Variants in SMURF2 observed in about 807,000 individuals in gnomAD.
SMURF2 encodes the protein SMAD specific E3 ubiquitin protein ligase 2, also known as E3 ubiquitin-protein ligase SMURF2.
Under a neutral mutation model 109.6 loss-of-function variants are expected in SMURF2, and 48 were observed. That is an observed-to-expected ratio of 0.44 (90% CI 0.35 to 0.56). The LOEUF is 0.56. Among genes scored for constraint, SMURF2 ranks in the 20% least tolerant of loss-of-function variants. The probability of loss-of-function intolerance (pLI) is 0.01; values close to 1 mark genes in which losing one functional copy is unlikely to be tolerated. For missense variants in SMURF2, 575 were observed against 909.0 expected, an observed-to-expected ratio of 0.63 and a Z score of 4.72; for synonymous variants, 288 against 317.1, an observed-to-expected ratio of 0.91 and a Z score of 0.97.
chr17:64,639,120 T>C (rs537564694), intron 1 of SMURF2, among the ~76,000 whole-genome samples: 52 of 152,372 alleles, frequency 3.4e-4, no homozygotes, highest in Non-Finnish European at 5.9e-4. Context: ...ATCTGGATGC[T>C]AGTTATATAT....
intron 1 of SMURF2, among the ~76,000 whole-genome samples, chr17:64,606,980 T>C (rs1969979161): frequency 6.6e-6 from 1 of 152,010 alleles, no homozygotes. Flanking sequence ...TAAAGTCAGG[T>C]TGTTATATCT....
chr17:64,571,989 C>A, intron 9 of SMURF2, 33 bp from the exon 10 acceptor site: 1 of 1,580,472 alleles, frequency 6.3e-7, no homozygotes, highest in South Asian at 1.2e-5. Context: ...AAAAATACCT[C>A]ATTGCTCGCC....
intron 1 of SMURF2, among the ~76,000 whole-genome samples, chr17:64,617,639 CCAT>C (rs1303147913): frequency 6.6e-6 from 1 of 152,062 alleles, no homozygotes; most frequent in African/African-American, 2.4e-5. Flanking sequence ...GCGCACACCA[CCAT>C]GCCTTGCTAA....
At chr17:64,658,229 C>A (rs1218814717) in intron 1 of SMURF2, among the ~76,000 whole-genome samples, 1 of 152,002 alleles carries the variant, frequency 6.6e-6, no homozygotes, top group Non-Finnish European at 1.5e-5. Flanking sequence ...TGGTGGTGGG[C>A]GCCTGTAATC....
chr17:64,573,187 A>G (rs1352782973), intron 9 of SMURF2: 1 of 11,708 alleles, frequency 8.5e-5, no homozygotes, highest in Non-Finnish European at 1.3e-4. Flanking sequence ...GGGGAGGAGG[A>G]GGAGGAGGAG....
At chr17:64,546,956 C>A (rs1191651628) in intron 17 of SMURF2, among the ~76,000 whole-genome samples, 1 of 152,240 alleles carries the variant, frequency 6.6e-6, no homozygotes, top group Non-Finnish European at 1.5e-5. Flanking sequence ...ACCAGTGTCG[C>A]TTTGTGTGTC....
rs111974438 is a variant in SMURF2 at position 64,587,429 on chromosome 17, C to T, written c.401-1259G>A. Among the ~76,000 whole-genome samples the T allele has an allele frequency of 3.4e-3, 524 of 152,284 alleles. 1 individual carries two copies. Among genetic ancestry groups the T allele is most frequent in the African/African-American group, 0.012 (503 of 41,554 alleles). ...TACTTAAGGTGTAGATAATCCCTGT[C>T]TGAATAATGAAAAAGTTACGTTAAA... On this transcript the variant is annotated intron_variant, in intron 5 of 18. Coordinates refer to ENST00000262435, the MANE Select transcript of SMURF2 (RefSeq NM_022739.4).
intron 1 of SMURF2, among the ~76,000 whole-genome samples, chr17:64,637,530 T>G (rs985427185): frequency 6.6e-6 from 1 of 152,106 alleles, no homozygotes; most frequent in Non-Finnish European, 1.5e-5. Context: ...TTCATTCTTT[T>G]GCATGTGGAA....
In SMURF2 at chr17:64,618,615, C is replaced by T. The variant is rs1555690312; in HGVS notation, c.53-11975G>A. Among the ~76,000 whole-genome samples, 9 of 152,310 alleles carry T rather than the reference C, an allele frequency of 5.9e-5. No homozygotes were observed. In the South Asian group the frequency reaches 1.9e-3, roughly 32 times the overall value. ...TACTGGACTCCTTCATTCAAACAGACCCACTCATAACTGATGGCTGTTCAA... is the reference window on the plus strand; with the variant it reads ...TACTGGACTCCTTCATTCAAACAGATCCACTCATAACTGATGGCTGTTCAA... On this transcript the variant is annotated intron_variant, in intron 1 of 18. Transcript: ENST00000262435.
intron 9 of SMURF2, among the ~76,000 whole-genome samples, chr17:64,576,987 G>C (rs1005260460): frequency 6.8e-6 from 1 of 147,546 alleles, no homozygotes; most frequent in Non-Finnish European, 1.5e-5. Context: ...TTAGCCTCGC[G>C]AGCAGCTGGG....
rs143356756 is a variant in SMURF2, at chr17:64,547,404, A to G, written c.2071+196T>C. On this transcript the variant is annotated intron_variant, in intron 17 of 18. Coordinates refer to ENST00000262435, the MANE Select transcript of SMURF2 (RefSeq NM_022739.4). The surrounding 1 kb of genome is among the most constrained non-coding windows in gnomAD (Gnocchi z 4.2). ...AGCATGCGGCACTCACTACAATCAGAGAAGCCCGCAGAAAAGGCTCTTGGG... is the reference window on the plus strand; with the variant it reads ...AGCATGCGGCACTCACTACAATCAGGGAAGCCCGCAGAAAAGGCTCTTGGG... Among the ~76,000 whole-genome samples, 18 of 152,350 alleles carry G rather than the reference A, an allele frequency of 1.2e-4. No individual in the cohort carries two copies. The highest frequency in any genetic ancestry group is 6.5e-4 in the Admixed American group (10 of 15,304).
chr17:64,655,208 T>C (rs1253028500), intron 1 of SMURF2, among the ~76,000 whole-genome samples: 1 of 151,762 alleles, frequency 6.6e-6, no homozygotes, highest in Non-Finnish European at 1.5e-5. Flanking sequence ...GATACTTCTT[T>C]TTCCCAAAGT....
intron 1 of SMURF2, among the ~76,000 whole-genome samples, chr17:64,625,690 G>C (rs1322282843): frequency 2.0e-5 from 3 of 152,048 alleles, no homozygotes; most frequent in Admixed American, 6.6e-5. Flanking sequence ...AAAATACACC[G>C]CTGAGTCCTA....
At chr17:64,556,231 A>C (rs1227006357) in intron 13 of SMURF2, among the ~76,000 whole-genome samples, 1 of 152,030 alleles carries the variant, frequency 6.6e-6, no homozygotes, top group African/African-American at 2.4e-5. Flanking sequence ...TCATTTTGTA[A>C]ATTTTATCTT....
At chr17:64,630,837 C>G (rs1555691516) in intron 1 of SMURF2, among the ~76,000 whole-genome samples, 1 of 152,078 alleles carries the variant, frequency 6.6e-6, no homozygotes, top group African/African-American at 2.4e-5. Flanking sequence ...CTTGAAGGCC[C>G]TACTTTTCAA....
intron 8 of SMURF2, among the ~76,000 whole-genome samples, chr17:64,580,061 G>C (rs1376904547): frequency 6.6e-6 from 1 of 152,208 alleles, no homozygotes; most frequent in Non-Finnish European, 1.5e-5. Flanking sequence ...GTCATTAGAT[G>C]TCAACATCAA....
intron 1 of SMURF2, among the ~76,000 whole-genome samples, chr17:64,637,163 G>GC (rs1970428493): frequency 1.4e-5 from 2 of 146,624 alleles, no homozygotes; most frequent in East Asian, 4.0e-4. Flanking sequence ...GTCTTGCTCT[G>GC]TCACCCAGGC....
chr17:64,608,035 A>C (rs1445302673), intron 1 of SMURF2, among the ~76,000 whole-genome samples: 3 of 150,240 alleles, frequency 2.0e-5, no homozygotes, highest in African/African-American at 7.4e-5. Context: ...ATAAATAAAT[A>C]AATAAATAAA....
intron 15 of SMURF2, 105 bp from the exon 16 acceptor site, chr17:64,551,809 A>C: frequency 7.1e-7 from 1 of 1,401,788 alleles, no homozygotes; most frequent in South Asian, 1.3e-5. Context: ...CAAGCATCTA[A>C]CATTAACGGT....
Sources: allele counts gnomAD v4.1 joint callset (sites outside exome capture counted in the v4.1 genomes callset), GRCh38; gene constraint gnomAD v4.1.1; non-coding constraint Gnocchi (gnomAD v3.1); transcripts MANE v1.5; gene names NCBI Gene and HGNC (gene_info 2026-07-23, HGNC 2026-07-21).